Variants in KIAA1328 observed in about 807,000 individuals in gnomAD.
The protein encoded by KIAA1328 is KIAA1328.
A neutral mutation model predicts 68.1 loss-of-function variants in KIAA1328; 52 were observed. The ratio of observed to expected loss-of-function variants is 0.76; its 90% confidence interval spans 0.61 to 0.96. The LOEUF is 0.96. Among genes scored for constraint, KIAA1328 ranks in the 40% least tolerant of loss-of-function variants. The probability of loss-of-function intolerance (pLI) is 0.00; values close to 1 mark genes in which losing one functional copy is unlikely to be tolerated. For synonymous variants in KIAA1328, 232 were observed against 239.4 expected, an observed-to-expected ratio of 0.97 and a Z score of 0.28; for missense variants, 641 against 677.6, an observed-to-expected ratio of 0.95 and a Z score of 0.60.
intron 6 of KIAA1328, among the ~76,000 whole-genome samples, chr18:37,017,250 C>A (rs1241109464): frequency 6.6e-6 from 1 of 151,912 alleles, no homozygotes; most frequent in African/African-American, 2.4e-5. Flanking sequence ...TGTTTAATTT[C>A]TATGTAATTG....
chr18:36,829,274 G>A, intron 1 of KIAA1328, 78 bp downstream of exon 1: 1 of 1,443,326 alleles, frequency 6.9e-7, no homozygotes. Flanking sequence ...GTGGCAGTCC[G>A]AGAGCGGAGG....
intron 5 of KIAA1328, among the ~76,000 whole-genome samples, chr18:36,956,546 G>A (rs905261230): frequency 6.6e-6 from 1 of 151,502 alleles, no homozygotes; most frequent in Non-Finnish European, 1.5e-5. Flanking sequence ...AAGGAAGTGG[G>A]GGGGGGGTGC....
chr18:37,193,213 C>T (rs541551488), intron 9 of KIAA1328, among the ~76,000 whole-genome samples: 7 of 152,004 alleles, frequency 4.6e-5, no homozygotes, highest in Non-Finnish European at 1.0e-4. Context: ...GACTAACAGC[C>T]GGGGTGAAAA....
chr18:37,042,673 G>T (rs1447018896), intron 6 of KIAA1328, among the ~76,000 whole-genome samples: 2 of 152,078 alleles, frequency 1.3e-5, no homozygotes, highest in Non-Finnish European at 2.9e-5. Context: ...ATTTCTCATT[G>T]TCTTAGCTTT....
chr18:36,851,920 A>G (rs1297728356), intron 4 of KIAA1328, among the ~76,000 whole-genome samples: 1 of 151,978 alleles, frequency 6.6e-6, no homozygotes, highest in Non-Finnish European at 1.5e-5. Context: ...AGGAATTTAT[A>G]GCTATAAATT....
At chr18:37,144,583 A>G (rs1202270064) in intron 7 of KIAA1328, among the ~76,000 whole-genome samples, 1 of 152,090 alleles carries the variant, frequency 6.6e-6, no homozygotes, top group Non-Finnish European at 1.5e-5. Context: ...GTCACCCAGA[A>G]TGGAGTTCAG....
chr18:37,221,265 G>A (rs2060557645), intron 9 of KIAA1328, among the ~76,000 whole-genome samples: 1 of 152,204 alleles, frequency 6.6e-6, no homozygotes, highest in East Asian at 1.9e-4. Flanking sequence ...AAAGTGGAAG[G>A]GGGTTAACAG....
At chr18:36,908,698 G>A (rs1335826755) in intron 5 of KIAA1328, among the ~76,000 whole-genome samples, 1 of 152,148 alleles carries the variant, frequency 6.6e-6, no homozygotes, top group Non-Finnish European at 1.5e-5. Flanking sequence ...TTGGGAGACT[G>A]TGTGACCAGT....
chr18:37,164,610 G>A lies in KIAA1328; in HGVS notation c.1414+4229G>A, dbSNP rs2059348689. On this transcript the variant is annotated intron_variant, in intron 8 of 9. Coordinates refer to ENST00000280020, the MANE Select transcript of KIAA1328 (RefSeq NM_020776.3). Reference sequence around the variant, plus strand: ...AAATAGAAAGAGTTAGCTGGGTGTGGTGGCACATACCTGTAGTCCCAGCTA... The same window carrying A: ...AAATAGAAAGAGTTAGCTGGGTGTGATGGCACATACCTGTAGTCCCAGCTA... 2.6e-5 allele frequency among the ~76,000 whole-genome samples: 4 copies of A among 152,136 alleles called. 1 individual carries two copies. In the South Asian group the frequency reaches 8.3e-4, roughly 32 times the overall value.
At chr18:36,829,428 C>A in intron 1 of KIAA1328, 1 of 1,323,846 alleles carries the variant, frequency 7.6e-7, no homozygotes, top group Non-Finnish European at 9.6e-7. Flanking sequence ...TGCTTCCCAG[C>A]GCTCACTACC....
chr18:37,164,695 G>T (rs554453498), intron 8 of KIAA1328, among the ~76,000 whole-genome samples: 1 of 152,130 alleles, frequency 6.6e-6, no homozygotes, highest in Non-Finnish European at 1.5e-5. Context: ...TCAGTGAGCC[G>T]AGATCACTCC....
chr18:37,167,232 G>A (rs1031435889), intron 8 of KIAA1328, among the ~76,000 whole-genome samples: 15 of 152,276 alleles, frequency 9.9e-5, no homozygotes, highest in African/African-American at 3.6e-4. Context: ...TGAAGCCCCA[G>A]TGGGCATTTG....
At chr18:37,047,041 A>G (rs58970995) in intron 6 of KIAA1328, among the ~76,000 whole-genome samples, 20,837 of 152,192 alleles carry the variant, frequency 0.14, 1,769 homozygotes, top group Admixed American at 0.18. Flanking sequence ...CTGAGGCAGG[A>G]GAAACACTTG....
At chr18:37,075,652 T>C (rs1366130373) in intron 7 of KIAA1328, 1 of 151,696 alleles carries the variant, frequency 6.6e-6, no homozygotes, top group African/African-American at 2.4e-5. Context: ...ACCAAGCAAA[T>C]GGAGAACAAA....
chr18:37,044,798 C>CAAAA (rs35937835), intron 6 of KIAA1328, among the ~76,000 whole-genome samples: 1 of 80,780 alleles, frequency 1.2e-5, no homozygotes. Flanking sequence ...GACTCCGGCT[C>CAAAA]AAAAAAAAAA....
intron 6 of KIAA1328, among the ~76,000 whole-genome samples, chr18:37,019,986 G>GCGTGGAGT (rs2054285448): frequency 6.6e-6 from 1 of 152,228 alleles, no homozygotes. Flanking sequence ...TACTGGTCCA[G>GCGTGGAGT]GTGAGTGATG....
intron 7 of KIAA1328, among the ~76,000 whole-genome samples, chr18:37,069,588 G>T (rs1158963359): frequency 6.6e-6 from 1 of 151,944 alleles, no homozygotes. Flanking sequence ...GTGTAGAATT[G>T]GTGTTAATTC....
At chr18:36,929,850 T>G (rs536326456) in intron 5 of KIAA1328, among the ~76,000 whole-genome samples, 2 of 152,184 alleles carry the variant, frequency 1.3e-5, no homozygotes, top group East Asian at 3.9e-4. Context: ...GAAATAAATG[T>G]CTGTTGTTTG....
intron 6 of KIAA1328, among the ~76,000 whole-genome samples, chr18:36,974,841 T>C (rs2052395479): frequency 6.6e-6 from 1 of 152,210 alleles, no homozygotes; most frequent in Non-Finnish European, 1.5e-5. Context: ...GGACTCTGGC[T>C]CAAAAACTGT....
Sources: gnomAD v4.1 joint callset for allele counts (sites outside exome capture counted in the v4.1 genomes callset) on GRCh38, gnomAD v4.1.1 for gene constraint, MANE v1.5 for transcripts, NCBI Gene and HGNC (gene_info 2026-07-23, HGNC 2026-07-21) for gene names.